PLXNA3: variants seen among roughly 807,000 people sequenced by gnomAD.
The protein encoded by PLXNA3 is plexin A3.
PLXNA3 carries 52 observed loss-of-function variants against 118.8 expected under a neutral mutation model. The observed-to-expected ratio is 0.44, with a 90% CI of 0.35 to 0.55. PLXNA3 has a LOEUF of 0.55. PLXNA3 is among the 20% of genes least tolerant of loss of function. PLXNA3 has a pLI of 0.01. For synonymous variants in PLXNA3, 925 were observed against 762.4 expected (o/e 1.21, Z -3.51); for missense variants, 1,660 against 1,730.8 (o/e 0.96, Z 0.73).
rs150546014 is a variant in PLXNA3 at position 154,464,031 on chromosome X, G to A, written c.1628G>A (p.Arg543Gln). 2,835 of 1,208,428 alleles carry A rather than the reference G, an allele frequency of 2.3e-3. 7 individuals are homozygous for A. Among genetic ancestry groups the A allele is most frequent in the African/African-American group, 3.4e-3 (193 of 57,502 alleles). The change falls in exon 7 of 33, where the codon CGG (arginine) becomes CAG (glutamine). Residue 543 changes from arginine (R) to glutamine (Q), a missense_variant. Arg to Gln is a conservative substitution (Grantham distance 43). Coordinates refer to ENST00000369682, the MANE Select transcript of PLXNA3 (RefSeq NM_017514.5). ...AEELSKCVQV[R>Q]VRPNNVSVTS... ...GAGCTGAGCAAGTGTGTCCAGGTGC[G>A]GGTCCGGCCCAACAATGTGTCAGTG... is the stretch of plus-strand genomic sequence containing the variant.
Position 154,459,168 on chromosome X carries a change from C to T in PLXNA3, c.-28+740C>T, listed in dbSNP as rs1455018432. Among the ~76,000 whole-genome samples the T allele has an allele frequency of 1.1e-4, 7 of 66,239 alleles. No individual in the cohort carries two copies. The African/African-American group carries it at 1.6e-3, about 15-fold the overall frequency. The allele number at this position is 66,239 out of a possible 115,157, so 57.5% of individuals were successfully genotyped here. A position where few individuals can be genotyped will look rare whatever the true frequency, so the allele number is the denominator to read the frequency against. ...TGGTTCCCTGCACCACCCCCCGCTCCCCCCCCGCCTCCCGCCCTCAAGCTG... is the reference window on the plus strand; with the variant it reads ...TGGTTCCCTGCACCACCCCCCGCTCTCCCCCCGCCTCCCGCCCTCAAGCTG... On this transcript the variant is annotated intron_variant, in intron 1 of 32. Transcript: ENST00000369682.
intron 1 of PLXNA3, 30 bp from the exon 2 acceptor site, chrX:154,460,127 C>T (rs2068915912): frequency 3.5e-6 from 3 of 864,130 alleles, no homozygotes; most frequent in Non-Finnish European, 5.0e-6. Context: ...GGCTCGAGGC[C>T]TCTGACTCCC....
chrX:154,463,829 G>C (rs1366245443), intron 6 of PLXNA3, 122 bp from the exon 7 acceptor site: 1 of 1,019,157 alleles, frequency 9.8e-7, no homozygotes, highest in East Asian at 3.3e-5. Context: ...TCCACCCCGA[G>C]TGACGTCCCT....
chrX:154,460,093 T>C (rs1299427863), intron 1 of PLXNA3, 64 bp from the exon 2 acceptor site: 8 of 601,435 alleles, frequency 1.3e-5, no homozygotes, highest in African/African-American at 2.2e-5. Flanking sequence ...GGCGGGGTGG[T>C]GGGTGAATGG....
chrX:154,462,493 G>A (rs1004665620), intron 4 of PLXNA3, among the ~76,000 whole-genome samples, 183 bp downstream of exon 4: 29 of 112,073 alleles, frequency 2.6e-4, no homozygotes, highest in Non-Finnish European at 3.4e-4. Flanking sequence ...CCCCTTGGCC[G>A]CCCACCCTCA....
In PLXNA3 at chrX:154,477,422, C is replaced by CAA. The variant is rs1557211060; in HGVS notation, c.*4738_*4739dup. On this transcript the variant is annotated 3_prime_UTR_variant, in exon 33 of 33. Transcript: ENST00000369682. Reference sequence around the variant, plus strand: ...CCAACTCCTTGCCCCAGACACTAGTCAATTGCCCCAGCACTTTCTTCACTG... The same window carrying CAA: ...CCAACTCCTTGCCCCAGACACTAGTCAAAATTGCCCCAGCACTTTCTTCACTG... 8.8e-6 allele frequency: 1 copy of CAA among 113,056 alleles called. No individual in the cohort carries two copies. The highest frequency in any genetic ancestry group is 1.9e-5 in the Non-Finnish European group (1 of 53,723). The allele number at this position is 113,056 out of a possible 1,213,427, so 9.3% of individuals were successfully genotyped here.
chrX:154,466,375 G>T lies in PLXNA3; in HGVS notation c.2800-1G>T, dbSNP rs1557207115. On this transcript the variant is annotated splice_acceptor_variant, in intron 15 of 32. Transcript: ENST00000369682. LOFTEE classifies it high-confidence loss of function. ...TCCCCTCAGGGCAGCTTCTCCCGCA[G>T]ACCCCAACGTTTGACCAAGTGAGTC... 1 of 1,211,674 alleles carries T rather than the reference G, an allele frequency of 8.3e-7. No individual in the cohort carries two copies.
intron 26 of PLXNA3, 41 bp from the exon 27 acceptor site, chrX:154,469,338 G>A (rs1557208575): frequency 8.6e-7 from 1 of 1,169,468 alleles, no homozygotes; most frequent in Non-Finnish European, 1.2e-6. Flanking sequence ...AGGCACTTGG[G>A]GGCTGCCAGC....
rs138605692 is a variant in PLXNA3, at chrX:154,467,945, G to A, written c.3764G>A (p.Arg1255His). 5.9e-5 allele frequency: 71 copies of A among 1,209,024 alleles called. No homozygotes were observed. Among genetic ancestry groups the A allele is most frequent in the Non-Finnish European group, 7.6e-5 (68 of 894,631 alleles). The change falls in exon 21 of 33, where the codon CGT becomes CAT. Residue 1255 changes from arginine to histidine, a missense_variant. This residue lies in a region of PLXNA3 where 869 missense variants were observed against 1,078.7 expected (regional missense o/e 0.81). Transcript: ENST00000369682. ...KTQDADRTLK[R>H]LQLQMDNLES... ...CAGGACGCGGACCGTACCCTCAAGCGTCTGCAGCTGCAGATGGACAACCTG... is the reference window on the plus strand; with the variant it reads ...CAGGACGCGGACCGTACCCTCAAGCATCTGCAGCTGCAGATGGACAACCTG...
chrX:154,459,163 C>A (rs956413549), intron 1 of PLXNA3, among the ~76,000 whole-genome samples: 1 of 85,582 alleles, frequency 1.2e-5, no homozygotes, highest in Non-Finnish European at 2.0e-5. Context: ...CACCACCCCC[C>A]GCTCCCCCCC....
Position 154,466,495 on chromosome X carries a change from C to T in PLXNA3, c.2919C>T (p.Ser973=), listed in dbSNP as rs781930626. ...GSRVTVTVRD[S]ECQFVRRDAK... is the part of the protein sequence containing the mutation. ...GGGTCACAGTGACTGTGAGGGACAG[C>T]GAGTGCCAGTTTGTAAGGTGGGCCG... Residue 973 remains serine (S), a synonymous_variant, in exon 16 of 33, where the codon AGC becomes AGT. Coordinates refer to ENST00000369682, the MANE Select transcript of PLXNA3 (RefSeq NM_017514.5). 24 of 1,206,623 alleles carry T rather than the reference C, an allele frequency of 2.0e-5. No homozygotes were observed. The highest frequency in any genetic ancestry group is 6.7e-5 in the Admixed American group (3 of 45,066).
At position 154,468,733 on chromosome X, in the gene PLXNA3, C is replaced by T. The variant is rs781986296; in HGVS notation, c.4287+4C>T. 2.2e-5 allele frequency: 27 copies of T among 1,209,875 alleles called. No individual in the cohort carries two copies. The Admixed American group carries it at 4.4e-4, about 20-fold the overall frequency. On this transcript the variant is annotated splice_donor_region_variant and intron_variant, in intron 24 of 32. Coordinates refer to ENST00000369682, the MANE Select transcript of PLXNA3 (RefSeq NM_017514.5). ...CCTGCTGCATAAGTTTCTGAAGGTG[C>T]GCCAGGTGGGTGGGCGGCAGGGAGG...
chrX:154,472,551 C>A, intron 32 of PLXNA3, 39 bp from the exon 33 acceptor site: 1 of 972,231 alleles, frequency 1.0e-6, no homozygotes, highest in Non-Finnish European at 1.5e-6. Flanking sequence ...GAGCTGCGCC[C>A]CCTACAGAGC....
rs782298917 is a variant in PLXNA3, at chrX:154,464,451, G to A, written c.1878G>A (p.Val626=). The change falls in exon 9 of 33, where the codon GTG becomes GTA. Residue 626 remains valine, a synonymous_variant. Coordinates refer to ENST00000369682, the MANE Select transcript of PLXNA3 (RefSeq NM_017514.5). ...RLQLLSKETG[V]RFAGADFVFY... ...AGCTTCTCTCCAAGGAGACAGGCGTGAGGTTTGCCGGTGCTGACTTTGTCT... is the reference window on the plus strand; with the variant it reads ...AGCTTCTCTCCAAGGAGACAGGCGTAAGGTTTGCCGGTGCTGACTTTGTCT... 19 of 1,210,143 alleles carry A rather than the reference G, an allele frequency of 1.6e-5. No homozygotes were observed. Among genetic ancestry groups the A allele is most frequent in the Non-Finnish European group, 2.0e-5 (18 of 894,982 alleles).
Position 154,477,762 on chromosome X carries a change from C to T in PLXNA3, c.*5077C>T. The T allele has an allele frequency of 2.5e-6, 1 of 392,601 alleles. No individual in the cohort carries two copies. The highest frequency in any genetic ancestry group is 5.0e-5 in the South Asian group (1 of 20,189). The allele number at this position is 392,601 out of a possible 1,213,427, so 32.4% of individuals were successfully genotyped here. On this transcript the variant is annotated 3_prime_UTR_variant, in exon 33 of 33. Coordinates refer to ENST00000369682, the MANE Select transcript of PLXNA3 (RefSeq NM_017514.5). The stretch of plus-strand genomic sequence containing the variant: ...GGGAGGTGCCCCAGCTGCAAATAAA[C>T]TCAGACTTGGAATAGTAGCGCAGTT...
At position 154,462,408 on chromosome X, in the gene PLXNA3, G is replaced by T. The variant is rs782408376; in HGVS notation, c.1317+98G>T. 4.3e-5 allele frequency: 28 copies of T among 657,581 alleles called. No homozygotes were observed. The African/African-American group carries it at 5.5e-4, about 13-fold the overall frequency. The allele number at this position is 657,581 out of a possible 1,213,427, so 54.2% of individuals were successfully genotyped here. A position where few individuals can be genotyped will look rare whatever the true frequency, so the allele number is the denominator to read the frequency against. Reference sequence around the variant, plus strand: ...CGGGAGAGCTCTGAGGACAGGACAGGAGAGGACACGGCTGGTGCAGGGAGG... The same window carrying T: ...CGGGAGAGCTCTGAGGACAGGACAGTAGAGGACACGGCTGGTGCAGGGAGG... On this transcript the variant is annotated intron_variant, in intron 4 of 32. Coordinates refer to ENST00000369682, the MANE Select transcript of PLXNA3 (RefSeq NM_017514.5).
In PLXNA3 at chrX:154,475,990, G is replaced by C. The variant is rs1267113088; in HGVS notation, c.*3305G>C. The stretch of plus-strand genomic sequence containing the variant: ...TCAGGACCAGCCTGGGCAACAAAGC[G>C]AGATCCCCTCTCTACAAAAAATAAA... On this transcript the variant is annotated 3_prime_UTR_variant, in exon 33 of 33. Coordinates refer to ENST00000369682, the MANE Select transcript of PLXNA3 (RefSeq NM_017514.5). 9.0e-6 allele frequency: 1 copy of C among 110,503 alleles called. No individual in the cohort carries two copies. The highest frequency in any genetic ancestry group is 1.9e-5 in the Non-Finnish European group (1 of 52,756). The allele number at this position is 110,503 out of a possible 1,213,427, so 9.1% of individuals were successfully genotyped here.
At position 154,471,570 on chromosome X, in the gene PLXNA3, G is replaced by A. The variant is rs1371930428; in HGVS notation, c.5452G>A (p.Ala1818Thr). Residue 1818 changes from alanine (A) to threonine (T), a missense_variant, in exon 32 of 33, where the codon GCC becomes ACC. By Grantham distance (58) the Ala-to-Thr change is moderately conservative. This residue lies in a region of PLXNA3 where 869 missense variants were observed against 1,078.7 expected (regional missense o/e 0.81). Transcript: ENST00000369682. ...AYLVEQSRLH[A>T]SDFSVLSALN... The stretch of plus-strand genomic sequence containing the variant: ...CCTGGTGGAGCAGTCCCGCCTCCAC[G>A]CCAGCGACTTCAGCGTCCTGAGTGC... 8.3e-7 allele frequency: 1 copy of A among 1,210,358 alleles called. No individual in the cohort carries two copies. The highest frequency in any genetic ancestry group is 1.1e-6 in the Non-Finnish European group (1 of 894,225).
At position 154,465,130 on chromosome X, in the gene PLXNA3, A is replaced by G; in HGVS notation, c.2156A>G (p.Tyr719Cys). The G allele has an allele frequency of 1.7e-6, 2 of 1,210,521 alleles. No individual in the cohort carries two copies. Among genetic ancestry groups the G allele is most frequent in the Non-Finnish European group, 2.2e-6 (2 of 895,123 alleles). ...CAGCCGCAGTCGGGCCAGAAGAACT[A>G]TGAGTGCGTGGTGCGGGTGCAGGGG... ...LPQPQSGQKN[Y>C]ECVVRVQGRQ... Residue 719 changes from tyrosine (Y) to cysteine (C), a missense_variant, in exon 11 of 33, where the codon TAT becomes TGT. By Grantham distance (194) the Tyr-to-Cys change is radical. Transcript: ENST00000369682.
Sources: gnomAD v4.1 joint callset for allele counts (sites outside exome capture counted in the v4.1 genomes callset) on GRCh38, gnomAD v4.1.1 for gene constraint, gnomAD v4.1.1 regional missense constraint, MANE v1.5 for transcripts, NCBI Gene and HGNC (gene_info 2026-07-23, HGNC 2026-07-21) for gene names.